CDH8: variants seen among roughly 807,000 people sequenced by gnomAD.
CDH8 encodes the protein cadherin 8.
In CDH8, 17 loss-of-function variants were observed where a neutral mutation model predicts 68.1. The observed-to-expected ratio is 0.25, with a 90% CI of 0.17 to 0.37. The LOEUF (loss-of-function observed/expected upper bound fraction) is 0.37. Ranked by LOEUF, CDH8 falls within the 10% of genes least tolerant of loss-of-function variation. The pLI is 1.00. For synonymous variants in CDH8, 372 were observed against 365.1 expected, an observed-to-expected ratio of 1.02 and a Z score of -0.21; for missense variants, 763 against 999.3, an observed-to-expected ratio of 0.76 and a Z score of 3.19.
intron 8 of CDH8, among the ~76,000 whole-genome samples, chr16:61,755,844 C>T (rs1028599673): frequency 2.0e-5 from 3 of 151,450 alleles, no homozygotes; most frequent in Non-Finnish European, 2.9e-5. Context: ...GACAGGGTCT[C>T]GCGTCTCGCT....
intron 2 of CDH8, among the ~76,000 whole-genome samples, chr16:61,917,894 C>T (rs112781534): frequency 0.014 from 2,132 of 151,676 alleles, 57 homozygotes; most frequent in African/African-American, 0.048. Context: ...AGTAGCAGAA[C>T]TCGTAGAATA....
At chr16:61,830,393 G>A (rs1962428924) in intron 4 of CDH8, among the ~76,000 whole-genome samples, 1 of 151,748 alleles carries the variant, frequency 6.6e-6, no homozygotes, top group African/African-American at 2.4e-5. Flanking sequence ...ATGCTAAAAA[G>A]TGACTTAAAA....
chr16:61,725,799 A>C (rs2142890715), intron 9 of CDH8: 1 of 151,096 alleles, frequency 6.6e-6, no homozygotes, highest in South Asian at 2.1e-4. Flanking sequence ...ATAAACCTAT[A>C]TCTCTACTAA....
chr16:61,655,325 G>T, intron 11 of CDH8, 145 bp downstream of exon 11: 1 of 764,806 alleles, frequency 1.3e-6, no homozygotes, highest in Non-Finnish European at 2.1e-6. Flanking sequence ...ACTTATTAGA[G>T]ATCTCAAAAT....
At chr16:61,672,835 G>C (rs940724820) in intron 10 of CDH8, among the ~76,000 whole-genome samples, 4 of 152,012 alleles carry the variant, frequency 2.6e-5, no homozygotes, top group Non-Finnish European at 4.4e-5. Flanking sequence ...GGTTATTATA[G>C]TATTCAGATG....
At chr16:61,713,994 A>T (rs572371221) in intron 9 of CDH8, 36 bp from the exon 10 acceptor site, 2 of 1,213,052 alleles carry the variant, frequency 1.6e-6, no homozygotes, top group Non-Finnish European at 2.5e-6. Flanking sequence ...ATTTCTGATG[A>T]TTTCAGAGGC....
rs562499078 is a variant in CDH8 at position 61,653,118 on chromosome 16, A to C, written c.*490T>G. On this transcript the variant is annotated 3_prime_UTR_variant, in exon 12 of 12. Coordinates refer to ENST00000577390, the MANE Select transcript of CDH8 (RefSeq NM_001796.5). ...CCTCTCAAAACTCCAAAAAGTTATA[A>C]TGTACAGCAGACCAAGTATTGCTTT... 3.1e-5 allele frequency: 39 copies of C among 1,254,422 alleles called. No individual in the cohort carries two copies. The South Asian group carries it at 1.2e-3, about 39-fold the overall frequency. The allele number at this position is 1,254,422 out of a possible 1,614,324, so 77.7% of individuals were successfully genotyped here.
chr16:61,948,118 G>T (rs1033472586), intron 2 of CDH8, among the ~76,000 whole-genome samples: 15 of 152,012 alleles, frequency 9.9e-5, no homozygotes, highest in Admixed American at 9.8e-4. Flanking sequence ...CCCTAAATTT[G>T]GGGAAAAACT....
At chr16:61,655,281 T>C (rs184657361) in intron 11 of CDH8, among the ~76,000 whole-genome samples, 189 bp downstream of exon 11, 2 of 152,340 alleles carry the variant, frequency 1.3e-5, no homozygotes, top group East Asian at 1.9e-4. Context: ...TCCTCTTCAT[T>C]TGGACATTTA....
intron 8 of CDH8, among the ~76,000 whole-genome samples, chr16:61,766,308 G>T (rs1429087437): frequency 1.3e-5 from 2 of 151,924 alleles, no homozygotes; most frequent in African/African-American, 4.8e-5. Context: ...CCAAATTGCT[G>T]CAAAAGATAT....
At position 62,013,688 on chromosome 16, in the gene CDH8, G is replaced by A. The variant is rs185240201; in HGVS notation, c.252+7464C>T. On this transcript the variant is annotated intron_variant, in intron 2 of 11. Transcript: ENST00000577390. ...TAATGACTTTATGCTATTCTGTCAC[G>A]TGAATATGCAATGAGTCACTTTCCA... Among the ~76,000 whole-genome samples the A allele has an allele frequency of 2.8e-3, 422 of 152,102 alleles. 3 individuals carry two copies. Among genetic ancestry groups the A allele is most frequent in the African/African-American group, 8.9e-3 (368 of 41,480 alleles).
chr16:61,754,762 T>A (rs981374288), intron 8 of CDH8, among the ~76,000 whole-genome samples: 20 of 152,210 alleles, frequency 1.3e-4, no homozygotes, highest in African/African-American at 4.1e-4. Flanking sequence ...CATATTTTTT[T>A]AATTTCAACT....
intron 9 of CDH8, among the ~76,000 whole-genome samples, chr16:61,719,241 G>A (rs900535842): frequency 2.7e-5 from 4 of 150,726 alleles, no homozygotes; most frequent in African/African-American, 9.7e-5. Flanking sequence ...GGAAGTAGAT[G>A]AGGTTCTAAT....
chr16:61,862,562 G>A (rs963746013), intron 3 of CDH8, among the ~76,000 whole-genome samples: 16 of 152,168 alleles, frequency 1.1e-4, no homozygotes, highest in East Asian at 1.9e-4. Context: ...ACTACTTTCC[G>A]TCAAGGACGA....
chr16:61,833,248 A>G (rs1400938679), intron 4 of CDH8, among the ~76,000 whole-genome samples: 2 of 151,524 alleles, frequency 1.3e-5, no homozygotes, highest in Admixed American at 1.3e-4. Context: ...AGATGCACAT[A>G]TATATGCACA....
At chr16:61,936,258 A>G (rs1964625267) in intron 2 of CDH8, among the ~76,000 whole-genome samples, 1 of 152,168 alleles carries the variant, frequency 6.6e-6, no homozygotes. Context: ...AGAGAAAAAA[A>G]TAGCATCTGA....
At chr16:61,775,027 G>A (rs1960869441) in intron 8 of CDH8, among the ~76,000 whole-genome samples, 1 of 152,070 alleles carries the variant, frequency 6.6e-6, no homozygotes, top group South Asian at 2.1e-4. Flanking sequence ...TATTTAAGAT[G>A]AAATTATAAA....
chr16:62,005,267 C>T (rs1310931131), intron 2 of CDH8, among the ~76,000 whole-genome samples: 1 of 152,200 alleles, frequency 6.6e-6, no homozygotes, highest in Non-Finnish European at 1.5e-5. Context: ...CTGCAAAAGC[C>T]TTCCTCGAAC....
intron 2 of CDH8, among the ~76,000 whole-genome samples, chr16:61,903,668 C>A (rs1253221739): frequency 6.6e-6 from 1 of 152,198 alleles, no homozygotes; most frequent in Non-Finnish European, 1.5e-5. Context: ...TCTCTAACTA[C>A]ATGAACTGAA....
Sources: allele counts gnomAD v4.1 joint callset (sites outside exome capture counted in the v4.1 genomes callset), GRCh38; gene constraint gnomAD v4.1.1; transcripts MANE v1.5; gene names NCBI Gene and HGNC (gene_info 2026-07-23, HGNC 2026-07-21).